AGBL1: variants seen among roughly 807,000 people sequenced by gnomAD.
AGBL1 encodes the protein cytosolic carboxypeptidase 4.
Under a neutral mutation model 118.9 loss-of-function variants are expected in AGBL1, and 130 were observed. The observed-to-expected ratio is 1.09, with a 90% CI of 0.95 to 1.26. The LOEUF (loss-of-function observed/expected upper bound fraction) is 1.26. AGBL1 is among the 50% of genes most tolerant of loss of function. The pLI is 0.00. For missense variants in AGBL1, 1,584 were observed against 1,298.1 expected (o/e 1.22, Z -3.38); for synonymous variants, 555 against 478.9 (o/e 1.16, Z -2.08).
chr15:86,757,215 C>T (rs577398460), intron 22 of AGBL1, among the ~76,000 whole-genome samples: 5 of 152,192 alleles, frequency 3.3e-5, no homozygotes, highest in East Asian at 1.9e-4. Flanking sequence ...CTATTTCTAG[C>T]GGCAAGTGAG....
chr15:86,944,072 G>A (rs2080787431), intron 23 of AGBL1, among the ~76,000 whole-genome samples: 1 of 152,136 alleles, frequency 6.6e-6, no homozygotes, highest in Non-Finnish European at 1.5e-5. Flanking sequence ...AAGAGTAAGA[G>A]TCAGGTGAAG....
intron 22 of AGBL1, among the ~76,000 whole-genome samples, chr15:86,695,464 T>C (rs2086240620): frequency 6.6e-6 from 1 of 151,932 alleles, no homozygotes; most frequent in Non-Finnish European, 1.5e-5. Flanking sequence ...TCTAATTGAG[T>C]TCACTTGGAT....
intron 3 of AGBL1, among the ~76,000 whole-genome samples, chr15:86,148,953 A>T (rs1485424598): frequency 6.6e-6 from 1 of 152,246 alleles, no homozygotes; most frequent in Non-Finnish European, 1.5e-5. Context: ...ACAAGCCAGA[A>T]GAGAGTGGGG....
intron 17 of AGBL1, among the ~76,000 whole-genome samples, chr15:86,391,018 A>AT (rs2081273220): frequency 9.9e-6 from 1 of 100,846 alleles, no homozygotes; most frequent in Non-Finnish European, 1.9e-5. Context: ...CTATGGTGAT[A>AT]AAAAAAAAAA....
At chr15:86,655,426 A>G (rs989798883) in intron 21 of AGBL1, among the ~76,000 whole-genome samples, 1 of 152,202 alleles carries the variant, frequency 6.6e-6, no homozygotes, top group Admixed American at 6.5e-5. Context: ...AAACATATAA[A>G]TAACACTATT....
intron 21 of AGBL1, among the ~76,000 whole-genome samples, chr15:86,633,596 G>A (rs1360023287): frequency 6.6e-6 from 1 of 151,560 alleles, no homozygotes; most frequent in East Asian, 1.9e-4. Context: ...CTTTATATAG[G>A]TGTTTTCTAA....
intron 17 of AGBL1, among the ~76,000 whole-genome samples, chr15:86,372,326 T>G (rs2080982730): frequency 1.3e-5 from 2 of 152,152 alleles, no homozygotes; most frequent in South Asian, 4.1e-4. Flanking sequence ...CCTTCCCTCC[T>G]CCCATTCATC....
chr15:86,863,480 A>G (rs2079586191), intron 22 of AGBL1, among the ~76,000 whole-genome samples: 2 of 152,156 alleles, frequency 1.3e-5, no homozygotes, highest in South Asian at 2.1e-4. Flanking sequence ...AGCCACAGTA[A>G]TCGCTGCCTG....
chr15:86,780,490 T>C (rs1053500149), intron 22 of AGBL1, among the ~76,000 whole-genome samples: 2 of 152,294 alleles, frequency 1.3e-5, no homozygotes, highest in Middle Eastern at 3.4e-3. Context: ...AATCAACTTA[T>C]AAACTCCCAC....
chr15:86,113,449 G>A (rs1399910641), intron 1 of AGBL1, among the ~76,000 whole-genome samples: 2 of 151,334 alleles, frequency 1.3e-5, no homozygotes, highest in Non-Finnish European at 3.0e-5. Flanking sequence ...CACCATGCCC[G>A]GCTCTTTTGT....
chr15:86,324,883 C>G (rs1417161689), intron 17 of AGBL1, among the ~76,000 whole-genome samples: 1 of 152,092 alleles, frequency 6.6e-6, no homozygotes, highest in Non-Finnish European at 1.5e-5. Flanking sequence ...CAATGTCTCC[C>G]TAGCTCACTA....
intron 16 of AGBL1, among the ~76,000 whole-genome samples, chr15:86,284,186 T>A (rs1313506880): frequency 4.1e-5 from 4 of 97,060 alleles, no homozygotes; most frequent in South Asian, 3.0e-4. Context: ...ATACTAAAAT[T>A]AAAATAAAAA....
chr15:86,867,441 G>A (rs758894606), intron 22 of AGBL1, among the ~76,000 whole-genome samples: 42 of 152,250 alleles, frequency 2.8e-4, no homozygotes, highest in South Asian at 1.9e-3. Flanking sequence ...TTGCCCCGAG[G>A]ATGAGGGATT....
At chr15:86,560,901 C>T (rs1230505067) in intron 21 of AGBL1, among the ~76,000 whole-genome samples, 1 of 152,176 alleles carries the variant, frequency 6.6e-6, no homozygotes, top group Non-Finnish European at 1.5e-5. Context: ...TGATGATGAG[C>T]ATTTTTTCAT....
At chr15:86,857,690 C>T (rs2079503040) in intron 22 of AGBL1, among the ~76,000 whole-genome samples, 1 of 152,144 alleles carries the variant, frequency 6.6e-6, no homozygotes, top group African/African-American at 2.4e-5. Context: ...TTCATTCAGA[C>T]CTGGCTCCGT....
At chr15:86,228,036 G>A in intron 6 of AGBL1, among the ~76,000 whole-genome samples, 1 of 152,176 alleles carries the variant, frequency 6.6e-6, no homozygotes, top group East Asian at 1.9e-4. Flanking sequence ...TGCCGTCTTT[G>A]TTTTACCAGC....
intron 22 of AGBL1, among the ~76,000 whole-genome samples, chr15:86,706,919 C>A (rs1175924709): frequency 2.0e-5 from 3 of 151,960 alleles, no homozygotes; most frequent in Non-Finnish European, 4.4e-5. Flanking sequence ...ACACATTTTC[C>A]TATGGAGAGT....
intron 22 of AGBL1, among the ~76,000 whole-genome samples, chr15:86,758,750 T>C (rs527796495): frequency 7.2e-5 from 11 of 151,834 alleles, no homozygotes; most frequent in Admixed American, 5.9e-4. Context: ...GGTGAGCTGA[T>C]TGCCTGAGCA....
chr15:86,562,166 C>T (rs143492610), intron 21 of AGBL1, among the ~76,000 whole-genome samples: 1,837 of 152,236 alleles, frequency 0.012, 24 homozygotes, highest in African/African-American at 0.04. Context: ...TGCCTGATTG[C>T]CCTGGTCAGA....
Sources: allele counts gnomAD v4.1 joint callset (sites outside exome capture counted in the v4.1 genomes callset), GRCh38; gene constraint gnomAD v4.1.1; transcripts MANE v1.5; gene names NCBI Gene and HGNC (gene_info 2026-07-23, HGNC 2026-07-21).